The following MAPK10 variants were observed in gnomAD, a reference collection of about 807,000 sequenced individuals.
MAPK10 encodes the protein JNK3 alpha protein kinase.
A neutral mutation model predicts 59.3 loss-of-function variants in MAPK10; 25 were observed. The ratio of observed to expected loss-of-function variants is 0.42; its 90% CI spans 0.31 to 0.59. MAPK10 has a LOEUF of 0.59. Among genes scored for constraint, MAPK10 ranks in the 20% least tolerant of loss-of-function variants. MAPK10 has a pLI of 0.15. For synonymous variants in MAPK10, 190 were observed against 200.5 expected, an observed-to-expected ratio of 0.95 and a Z score of 0.44; for missense variants, 351 against 568.9, an observed-to-expected ratio of 0.62 and a Z score of 3.90.
In MAPK10 at chr4:86,163,015, C is replaced by A. The variant is rs1581619883; in HGVS notation, c.67-3548G>T. Among the ~76,000 whole-genome samples the A allele has an allele frequency of 2.0e-5, 3 of 152,106 alleles. No individual in the cohort carries two copies. The East Asian group carries it at 5.8e-4, about 29-fold the overall frequency. ...GTTTGTGAATTCACACACACATAAACATATAATTTCCTTTCAAGTTTCTTC... is the reference window on the plus strand; with the variant it reads ...GTTTGTGAATTCACACACACATAAAAATATAATTTCCTTTCAAGTTTCTTC... On this transcript the variant is annotated intron_variant, in intron 3 of 13. Transcript: ENST00000641462.
At chr4:86,286,519 G>A (rs2148811966) in intron 2 of MAPK10, among the ~76,000 whole-genome samples, 1 of 152,244 alleles carries the variant, frequency 6.6e-6, no homozygotes, top group South Asian at 2.1e-4. Flanking sequence ...CATCCTTATA[G>A]CAACCAGATG....
At chr4:86,315,277 G>A (rs2148879169) in intron 2 of MAPK10, among the ~76,000 whole-genome samples, 1 of 152,096 alleles carries the variant, frequency 6.6e-6, no homozygotes, top group South Asian at 2.1e-4. Context: ...CATGGAGGGG[G>A]TGGTTAATGG....
At chr4:86,559,937 CAA>C (rs368858392) in intron 1 of MAPK10, among the ~76,000 whole-genome samples, 15 of 124,374 alleles carry the variant, frequency 1.2e-4, no homozygotes, top group African/African-American at 9.1e-5. Flanking sequence ...GACTTTGTCT[CAA>C]AAAAAAAAAA....
intron 5 of MAPK10, among the ~76,000 whole-genome samples, chr4:86,104,334 C>T (rs1280157359): frequency 6.6e-6 from 1 of 152,008 alleles, no homozygotes; most frequent in Non-Finnish European, 1.5e-5. Flanking sequence ...TTTAAAAATA[C>T]AAGATCATCT....
At chr4:86,250,991 A>G (rs17011611) in intron 2 of MAPK10, among the ~76,000 whole-genome samples, 9,957 of 152,090 alleles carry the variant, frequency 0.065, 1,100 homozygotes, top group African/African-American at 0.23. Flanking sequence ...TTTTCTCACT[A>G]AAATAAAACT....
chr4:86,373,309 G>A (rs1165284083), intron 1 of MAPK10, among the ~76,000 whole-genome samples: 2 of 152,208 alleles, frequency 1.3e-5, no homozygotes, highest in East Asian at 3.9e-4. Context: ...AAAAACCTTA[G>A]AAGAAAACCT....
In MAPK10 at chr4:86,012,982, A is replaced by C. The variant is rs951940761; in HGVS notation, c.*4246T>G. 6.6e-6 allele frequency: 1 copy of C among 152,232 alleles called. No individual in the cohort carries two copies. Among genetic ancestry groups the C allele is most frequent in the African/African-American group, 2.4e-5 (1 of 41,472 alleles). The allele number at this position is 152,232 out of a possible 1,614,324, so 9.4% of individuals were successfully genotyped here. A position where few individuals can be genotyped will look rare whatever the true frequency, so the allele number is the denominator to read the frequency against. ...CAAGTTAGGTCTCATTGCAAGATGG[A>C]CATGGCAAGGTGAACAGATAATCCT... is the stretch of plus-strand genomic sequence containing the variant. On this transcript the variant is annotated 3_prime_UTR_variant, in exon 14 of 14. Transcript: ENST00000641462.
At chr4:86,572,096 G>A (rs985372093) in intron 1 of MAPK10, among the ~76,000 whole-genome samples, 2 of 151,800 alleles carry the variant, frequency 1.3e-5, no homozygotes, top group Non-Finnish European at 2.9e-5. Context: ...TTCTTATTTT[G>A]TAGTTCATAC....
At chr4:86,033,415 CT>C (rs1406073196) in intron 11 of MAPK10, among the ~76,000 whole-genome samples, 3 of 152,224 alleles carry the variant, frequency 2.0e-5, no homozygotes, top group Non-Finnish European at 4.4e-5. Context: ...ATAGATCCAG[CT>C]CATGATCCTG....
At chr4:86,123,503 G>A (rs1395372981) in intron 4 of MAPK10, among the ~76,000 whole-genome samples, 3 of 152,030 alleles carry the variant, frequency 2.0e-5, no homozygotes, top group Non-Finnish European at 2.9e-5. Flanking sequence ...TATTAATCAC[G>A]TGAAGATTTT....
At chr4:86,136,207 A>G (rs544580138) in intron 4 of MAPK10, among the ~76,000 whole-genome samples, 44 of 152,262 alleles carry the variant, frequency 2.9e-4, no homozygotes, top group Non-Finnish European at 1.9e-4. Flanking sequence ...ACTCCTCGAG[A>G]AGAGCAACTC....
chr4:86,289,927 AG>A (rs1213603991), intron 2 of MAPK10, among the ~76,000 whole-genome samples: 1 of 152,144 alleles, frequency 6.6e-6, no homozygotes, highest in Non-Finnish European at 1.5e-5. Context: ...TCATTTCCTG[AG>A]GTGGAGAAAA....
intron 1 of MAPK10, among the ~76,000 whole-genome samples, chr4:86,509,489 C>T (rs1456534950): frequency 1.3e-5 from 2 of 151,540 alleles, no homozygotes; most frequent in African/African-American, 4.8e-5. Flanking sequence ...AAAAAAAAAC[C>T]TGCCAAAATG....
chr4:86,024,699 T>G (rs1471399823), intron 13 of MAPK10: 2 of 152,236 alleles, frequency 1.3e-5, no homozygotes, highest in Non-Finnish European at 2.9e-5. Context: ...TCCTTCCTGC[T>G]TTCCAACTAG....
chr4:86,288,312 T>C (rs1298657897), intron 2 of MAPK10, among the ~76,000 whole-genome samples: 1 of 146,796 alleles, frequency 6.8e-6, no homozygotes, highest in African/African-American at 2.5e-5. Flanking sequence ...CTCCTAAAGC[T>C]ATCCCTCCTC....
At chr4:86,264,194 T>TC (rs1276492721) in intron 2 of MAPK10, among the ~76,000 whole-genome samples, 1 of 152,212 alleles carries the variant, frequency 6.6e-6, no homozygotes, top group Non-Finnish European at 1.5e-5. Context: ...TTCCATTCTT[T>TC]CCCCTATCAA....
At chr4:86,120,747 C>T (rs1368681740) in intron 4 of MAPK10, 1 of 152,118 alleles carries the variant, frequency 6.6e-6, no homozygotes, top group Non-Finnish European at 1.5e-5. Flanking sequence ...CTACAAAATT[C>T]ACAAAGCTGC....
chr4:86,229,273 C>A (rs1157582992), intron 2 of MAPK10, among the ~76,000 whole-genome samples: 2 of 152,122 alleles, frequency 1.3e-5, no homozygotes, highest in Admixed American at 6.5e-5. Context: ...ACCCCCAATA[C>A]ATCAATTATA....
intron 1 of MAPK10, among the ~76,000 whole-genome samples, chr4:86,375,865 A>T (rs191695221): frequency 6.6e-6 from 1 of 152,270 alleles, no homozygotes; most frequent in Admixed American, 6.5e-5. Context: ...TTCTGTAATG[A>T]ACTCTGTGAA....
Sources: allele counts gnomAD v4.1 joint callset (sites outside exome capture counted in the v4.1 genomes callset), GRCh38; gene constraint gnomAD v4.1.1; transcripts MANE v1.5; gene names NCBI Gene and HGNC (gene_info 2026-07-23, HGNC 2026-07-21).